Variants in LYPD6B observed in about 807,000 individuals in gnomAD.
LYPD6B encodes the protein LY6/PLAUR domain containing 6B, also known as ly6/PLAUR domain-containing protein 6B.
LYPD6B carries 17 observed loss-of-function variants against 22.8 expected under a neutral mutation model. That is an observed-to-expected ratio of 0.75 (90% confidence interval 0.51 to 1.12). LYPD6B has a LOEUF of 1.12. Among genes scored for constraint, LYPD6B ranks in the 50% most tolerant of loss-of-function variants. The pLI, the probability that LYPD6B is intolerant of heterozygous loss-of-function variation, is 0.00. For synonymous variants in LYPD6B, 106 were observed against 91.6 expected (o/e 1.16, Z -0.90); for missense variants, 221 against 258.3 (o/e 0.86, Z 0.99).
chr2:149,155,344 C>A (rs1689629383), intron 2 of LYPD6B, among the ~76,000 whole-genome samples: 1 of 152,190 alleles, frequency 6.6e-6, no homozygotes, highest in South Asian at 2.1e-4. Context: ...CCAATTGCAT[C>A]AGGCCCTCTC....
At chr2:149,048,669 T>C (rs1468779035) in intron 1 of LYPD6B, among the ~76,000 whole-genome samples, 1 of 152,210 alleles carries the variant, frequency 6.6e-6, no homozygotes, top group Admixed American at 6.5e-5. Context: ...TTTGAGAAGG[T>C]TATGATCTTG....
At chr2:149,064,318 A>T (rs376423933) in intron 1 of LYPD6B, among the ~76,000 whole-genome samples, 1 of 152,230 alleles carries the variant, frequency 6.6e-6, no homozygotes, top group African/African-American at 2.4e-5. Flanking sequence ...CCCTTGAATG[A>T]ATCAATGATT....
chr2:149,150,056 A>G (rs1472088734), intron 2 of LYPD6B, among the ~76,000 whole-genome samples: 3 of 152,140 alleles, frequency 2.0e-5, no homozygotes, highest in Non-Finnish European at 2.9e-5. Context: ...TGATTCTGCA[A>G]TTTTGCCACT....
intron 5 of LYPD6B, among the ~76,000 whole-genome samples, chr2:149,209,664 C>T (rs1693720751): frequency 6.6e-6 from 1 of 152,176 alleles, no homozygotes; most frequent in South Asian, 2.1e-4. Context: ...CCAATAAATA[C>T]TAATCCAATA....
rs1262768836 is a variant in LYPD6B at position 149,038,727 on chromosome 2, C to A, written c.-141C>A. Reference sequence around the variant, plus strand: ...GCGCGGTAGCAGCCAACGCCGGCCCCAGGCGGGTGCGCTGGGAGCCTGGGC... The same window carrying A: ...GCGCGGTAGCAGCCAACGCCGGCCCAAGGCGGGTGCGCTGGGAGCCTGGGC... On this transcript the variant is annotated 5_prime_UTR_variant, in exon 1 of 7. Transcript: ENST00000409642. 3.3e-5 allele frequency: 5 copies of A among 151,572 alleles called. No individual in the cohort carries two copies. The highest frequency in any genetic ancestry group is 1.2e-4 in the African/African-American group (5 of 41,364). 9.4% of individuals were successfully genotyped at this position (151,572 alleles called of 1,614,324 possible).
chr2:149,100,416 CAAAAAAAAAAAAAA>C (rs58068035), intron 1 of LYPD6B, among the ~76,000 whole-genome samples: 1 of 67,964 alleles, frequency 1.5e-5, no homozygotes, highest in African/African-American at 5.6e-5. Context: ...TTGGCTTTGA[CAAAAAAAAAAAAAA>C]AAAAAAAAAA....
chr2:149,187,545 G>T, intron 3 of LYPD6B: 1 of 1,456,670 alleles, frequency 6.9e-7, no homozygotes, highest in Non-Finnish European at 9.0e-7. Context: ...AGGATCTCAG[G>T]CAACGTCAAT....
chr2:149,211,664 A>T (rs1575189541), intron 5 of LYPD6B, among the ~76,000 whole-genome samples: 2 of 152,172 alleles, frequency 1.3e-5, no homozygotes, highest in South Asian at 4.2e-4. Flanking sequence ...AGCTCAGAAG[A>T]TCTACCATGA....
intron 5 of LYPD6B, among the ~76,000 whole-genome samples, chr2:149,212,218 A>C (rs1014031218): frequency 1.3e-5 from 2 of 150,676 alleles, no homozygotes; most frequent in Admixed American, 6.6e-5. Context: ...TCTACTAAAA[A>C]TCAAAAAAAA....
chr2:149,065,882 T>G lies in LYPD6B; in HGVS notation c.-67+27081T>G, dbSNP rs1278644454. 2.6e-5 allele frequency among the ~76,000 whole-genome samples: 4 copies of G among 152,196 alleles called. No homozygotes were observed. The East Asian group carries it at 5.8e-4, about 22-fold the overall frequency. On this transcript the variant is annotated intron_variant, in intron 1 of 6. Coordinates refer to ENST00000409642, the MANE Select transcript of LYPD6B (RefSeq NM_177964.5). Reference sequence around the variant, plus strand: ...TGCCACTGTGTCTGGCCCTTTTTTTTTGTATTTTTCATAGAGACTAGTTTT... The same window carrying G: ...TGCCACTGTGTCTGGCCCTTTTTTTGTGTATTTTTCATAGAGACTAGTTTT...
intron 1 of LYPD6B, among the ~76,000 whole-genome samples, chr2:149,053,019 A>G (rs1683634706): frequency 6.6e-6 from 1 of 152,192 alleles, no homozygotes. Flanking sequence ...TGACATGTGG[A>G]AAGTGCAACT....
At chr2:149,176,275 GACTGTATGTGCGTGTGTGCAC>G (rs1270822848) in intron 3 of LYPD6B, among the ~76,000 whole-genome samples, 1 of 152,176 alleles carries the variant, frequency 6.6e-6, no homozygotes, top group East Asian at 1.9e-4. Flanking sequence ...TGCGGCATGT[GACTGTATGTGCGTGTGTGCAC>G]ACAGATGTGT....
chr2:149,185,586 G>A (rs886487197), intron 3 of LYPD6B, among the ~76,000 whole-genome samples: 6 of 152,190 alleles, frequency 3.9e-5, no homozygotes, highest in African/African-American at 1.4e-4. Flanking sequence ...AGAAAGGGAG[G>A]CAAATGACAT....
intron 3 of LYPD6B, among the ~76,000 whole-genome samples, chr2:149,195,460 G>T (rs140730599): frequency 6.6e-6 from 1 of 152,192 alleles, no homozygotes; most frequent in Non-Finnish European, 1.5e-5. Context: ...GAACTACTGC[G>T]TGTTATTTAT....
chr2:149,047,430 T>G (rs762885411), intron 1 of LYPD6B, among the ~76,000 whole-genome samples: 1 of 152,218 alleles, frequency 6.6e-6, no homozygotes, highest in Admixed American at 6.5e-5. Flanking sequence ...TCTCTTCTTG[T>G]ATGCCTCTGA....
chr2:149,179,018 G>A (rs187491921), intron 3 of LYPD6B, among the ~76,000 whole-genome samples: 3 of 152,348 alleles, frequency 2.0e-5, no homozygotes, highest in Admixed American at 2.0e-4. Context: ...AGATTGCCAA[G>A]TTTGGGAGTG....
At chr2:149,214,510 A>G (rs1694072450) in intron 6 of LYPD6B, 36 bp from the exon 7 acceptor site, 1 of 1,602,190 alleles carries the variant, frequency 6.2e-7, no homozygotes, top group African/African-American at 1.3e-5. Context: ...CTCTTCTATT[A>G]TTCACTGTCA....
intron 1 of LYPD6B, among the ~76,000 whole-genome samples, chr2:149,107,731 A>G (rs943466169): frequency 3.9e-5 from 6 of 152,176 alleles, no homozygotes; most frequent in African/African-American, 1.2e-4. Flanking sequence ...TTCAAAGAAC[A>G]TATTTTCTAT....
At chr2:149,056,030 G>A (rs1683771334) in intron 1 of LYPD6B, among the ~76,000 whole-genome samples, 1 of 152,178 alleles carries the variant, frequency 6.6e-6, no homozygotes, top group East Asian at 1.9e-4. Context: ...GATAGAGCAG[G>A]AGGTACGGGC....
Sources: gnomAD v4.1 joint callset for allele counts (sites outside exome capture counted in the v4.1 genomes callset) on GRCh38, gnomAD v4.1.1 for gene constraint, MANE v1.5 for transcripts, NCBI Gene and HGNC (gene_info 2026-07-23, HGNC 2026-07-21) for gene names.